ACSS3: variants seen among roughly 807,000 people sequenced by gnomAD.
ACSS3 encodes acyl-CoA synthetase short chain family member 3.
A neutral mutation model predicts 84.2 loss-of-function variants in ACSS3; 64 were observed. The ratio of observed to expected loss-of-function variants is 0.76; its 90% CI spans 0.62 to 0.94. ACSS3 has a LOEUF of 0.94. Among genes scored for constraint, ACSS3 ranks in the 40% least tolerant of loss-of-function variants. The pLI is 0.00. For synonymous variants in ACSS3, 317 were observed against 310.1 expected (o/e 1.02, Z -0.23); for missense variants, 815 against 867.6 (o/e 0.94, Z 0.76).
chr12:81,119,995 C>G (rs960270862), intron 2 of ACSS3, among the ~76,000 whole-genome samples: 7 of 152,150 alleles, frequency 4.6e-5, no homozygotes, highest in Non-Finnish European at 8.8e-5. Flanking sequence ...TCCAGCTGGT[C>G]CCTCCATTTG....
intron 2 of ACSS3, among the ~76,000 whole-genome samples, chr12:81,111,350 A>G (rs926134500): frequency 6.6e-6 from 1 of 152,170 alleles, no homozygotes; most frequent in Admixed American, 6.5e-5. Context: ...CAGGTTCAAG[A>G]GGCCAAAGAA....
chr12:81,157,831 CAG>C (rs1886956192), intron 7 of ACSS3, among the ~76,000 whole-genome samples: 1 of 151,528 alleles, frequency 6.6e-6, no homozygotes, highest in South Asian at 2.1e-4. Context: ...TAAATATAAA[CAG>C]AAATATAGAG....
intron 7 of ACSS3, among the ~76,000 whole-genome samples, chr12:81,160,622 T>C (rs1887104260): frequency 6.6e-6 from 1 of 152,256 alleles, no homozygotes; most frequent in Admixed American, 6.5e-5. Context: ...TTTTCACTTT[T>C]GTGAATCTTC....
At chr12:81,162,139 G>C (rs1887183832) in intron 7 of ACSS3, among the ~76,000 whole-genome samples, 1 of 152,190 alleles carries the variant, frequency 6.6e-6, no homozygotes, top group Non-Finnish European at 1.5e-5. Context: ...CTGAGTTCTT[G>C]TCCCATGTCA....
At chr12:81,190,374 T>C (rs2031502434) in intron 8 of ACSS3, among the ~76,000 whole-genome samples, 1 of 152,086 alleles carries the variant, frequency 6.6e-6, no homozygotes, top group Non-Finnish European at 1.5e-5. Context: ...AGAAATTTTA[T>C]TTTTATGCTA....
intron 9 of ACSS3, among the ~76,000 whole-genome samples, chr12:81,203,820 T>C (rs538963165): frequency 6.6e-6 from 1 of 152,314 alleles, no homozygotes; most frequent in South Asian, 2.1e-4. Context: ...ATGTATTATC[T>C]TCACAGTAAC....
chr12:81,211,525 C>A (rs2032593244), intron 9 of ACSS3, among the ~76,000 whole-genome samples: 1 of 152,116 alleles, frequency 6.6e-6, no homozygotes, highest in African/African-American at 2.4e-5. Flanking sequence ...CATCTGCCAC[C>A]CAACTGGGCC....
intron 9 of ACSS3, among the ~76,000 whole-genome samples, chr12:81,205,809 T>G (rs964141883): frequency 6.6e-6 from 1 of 152,154 alleles, no homozygotes; most frequent in African/African-American, 2.4e-5. Flanking sequence ...GGAATCAGCA[T>G]TGAGAACATT....
chr12:81,129,101 A>G (rs999810897), intron 2 of ACSS3, among the ~76,000 whole-genome samples: 5 of 152,176 alleles, frequency 3.3e-5, no homozygotes, highest in Admixed American at 6.6e-5. Context: ...AGCTGAAACA[A>G]GCAAGGCCAA....
At chr12:81,190,717 A>C (rs1235640290) in intron 8 of ACSS3, among the ~76,000 whole-genome samples, 1 of 151,998 alleles carries the variant, frequency 6.6e-6, no homozygotes, top group Non-Finnish European at 1.5e-5. Flanking sequence ...TATTAAGGAA[A>C]ATGATTTTAG....
chr12:81,197,332 C>G (rs758153393), intron 8 of ACSS3, among the ~76,000 whole-genome samples: 4 of 152,080 alleles, frequency 2.6e-5, no homozygotes, highest in Non-Finnish European at 5.9e-5. Context: ...TTTTTTCTCA[C>G]TACTGCGGTC....
At chr12:81,173,951 A>G (rs1318366999) in intron 7 of ACSS3, among the ~76,000 whole-genome samples, 1 of 152,134 alleles carries the variant, frequency 6.6e-6, no homozygotes, top group Admixed American at 6.5e-5. Flanking sequence ...GGATATATAT[A>G]TATATATCCA....
At chr12:81,244,732 A>G (rs888514494) in intron 13 of ACSS3, among the ~76,000 whole-genome samples, 1 of 152,172 alleles carries the variant, frequency 6.6e-6, no homozygotes, top group Non-Finnish European at 1.5e-5. Context: ...CTTTCTTAGA[A>G]TTTTAATCTC....
chr12:81,136,163 C>T lies in ACSS3; in HGVS notation c.645+1159C>T, dbSNP rs1232918339. On this transcript the variant is annotated intron_variant, in intron 3 of 15. Transcript: ENST00000548058. The stretch of plus-strand genomic sequence containing the variant: ...ATTTAGTGAGTCTGTTGTGAAATAT[C>T]ATTGAGCTATTTAATCTAAAACAGC... Among the ~76,000 whole-genome samples, 4 of 152,148 alleles carry T rather than the reference C, an allele frequency of 2.6e-5. No homozygotes were observed. The East Asian group carries it at 7.7e-4, about 29-fold the overall frequency.
At chr12:81,241,969 G>C (rs1311073424) in intron 13 of ACSS3, among the ~76,000 whole-genome samples, 1 of 152,064 alleles carries the variant, frequency 6.6e-6, no homozygotes, top group Non-Finnish European at 1.5e-5. Flanking sequence ...TATGGTTTTA[G>C]GTCTAACGTT....
At chr12:81,209,528 G>A (rs1020999121) in intron 9 of ACSS3, among the ~76,000 whole-genome samples, 4 of 151,998 alleles carry the variant, frequency 2.6e-5, no homozygotes, top group East Asian at 1.9e-4. Context: ...AAAACAACCC[G>A]GACAGTATTC....
rs935563287 is a variant in ACSS3 at position 81,171,799 on chromosome 12, G to T, written c.1099-2989G>T. ...TATCCTTAGGAGATTTTATCACTTT[G>T]TGTACATCATAGAGTATACTTACAC... On this transcript the variant is annotated intron_variant, in intron 7 of 15. Transcript: ENST00000548058. Among the ~76,000 whole-genome samples, 3 of 152,040 alleles carry T rather than the reference G, an allele frequency of 2.0e-5. No individual in the cohort carries two copies. In the South Asian group the frequency reaches 6.2e-4, roughly 32 times the overall value.
In ACSS3 at chr12:81,184,733, G is replaced by C. The variant is rs149538415; in HGVS notation, c.1250+9794G>C. Among the ~76,000 whole-genome samples, 297 of 151,710 alleles carry C rather than the reference G, an allele frequency of 2.0e-3. 1 individual carries two copies. Among genetic ancestry groups the C allele is most frequent in the African/African-American group, 6.8e-3 (284 of 41,520 alleles). ...AATATTAAGTCAATTAAAGTGATTT[G>C]AGAAGTAATCAAAACCCTTCCCACA... On this transcript the variant is annotated intron_variant, in intron 8 of 15. Coordinates refer to ENST00000548058, the MANE Select transcript of ACSS3 (RefSeq NM_024560.4).
At chr12:81,245,542 CT>C (rs1338416572) in intron 13 of ACSS3, among the ~76,000 whole-genome samples, 1 of 152,154 alleles carries the variant, frequency 6.6e-6, no homozygotes, top group African/African-American at 2.4e-5. Flanking sequence ...CAGTTAGGCT[CT>C]GAGAAAACTC....
Sources: allele counts gnomAD v4.1 joint callset (sites outside exome capture counted in the v4.1 genomes callset), GRCh38; gene constraint gnomAD v4.1.1; transcripts MANE v1.5; gene names NCBI Gene and HGNC (gene_info 2026-07-23, HGNC 2026-07-21).